Variants in PCDHGA11 observed in about 807,000 individuals in gnomAD.
PCDHGA11 encodes protocadherin gamma subfamily A, 11.
PCDHGA11 carries 39 observed loss-of-function variants against 60.4 expected under a neutral mutation model. The observed-to-expected ratio is 0.65, with a 90% CI of 0.50 to 0.84. PCDHGA11 has a LOEUF of 0.84. Among genes scored for constraint, PCDHGA11 ranks in the 40% least tolerant of loss-of-function variants. The probability of loss-of-function intolerance (pLI) is 0.00; values close to 1 mark genes in which losing one functional copy is unlikely to be tolerated. For synonymous variants in PCDHGA11, 533 were observed against 510.3 expected (o/e 1.04, Z -0.60); for missense variants, 1,165 against 1,197.7 (o/e 0.97, Z 0.40).
At chr5:141,502,035 G>C (rs1371892057) in intron 2 of PCDHGA11, among the ~76,000 whole-genome samples, 1 of 152,078 alleles carries the variant, frequency 6.6e-6, no homozygotes, top group Non-Finnish European at 1.5e-5. Context: ...CCCGCCGCTT[G>C]CCTGCTCTCC....
At chr5:141,459,218 C>T (rs2098963524) in intron 1 of PCDHGA11, among the ~76,000 whole-genome samples, 1 of 152,220 alleles carries the variant, frequency 6.6e-6, no homozygotes, top group South Asian at 2.1e-4. Context: ...TTCTCCAGCT[C>T]CAGGCAACAA....
chr5:141,481,179 T>C (rs115525079), intron 1 of PCDHGA11, among the ~76,000 whole-genome samples: 16 of 152,358 alleles, frequency 1.1e-4, no homozygotes, highest in African/African-American at 3.6e-4. Flanking sequence ...TCCAGCTTTA[T>C]TGGGCCAGGC....
Position 141,431,478 on chromosome 5 carries a change from C to T in PCDHGA11, c.2433+7818C>T, listed in dbSNP as rs1163422580. On this transcript the variant is annotated intron_variant, in intron 1 of 3. Coordinates refer to ENST00000398587, the MANE Select transcript of PCDHGA11 (RefSeq NM_018914.3). The surrounding 1 kb of genome is among the most constrained non-coding windows in gnomAD (Gnocchi z 4.8). ...GTTCTGGATGCGAACGACAACGCAC[C>T]AGCGTTTGCTCAGCCCGAGTACCGC... The T allele has an allele frequency of 6.2e-7, 1 of 1,613,748 alleles. No individual in the cohort carries two copies. The highest frequency in any genetic ancestry group is 8.5e-7 in the Non-Finnish European group (1 of 1,179,976).
At chr5:141,507,132 C>T (rs748716107) in intron 3 of PCDHGA11, 2 of 152,188 alleles carry the variant, frequency 1.3e-5, no homozygotes, top group African/African-American at 2.4e-5. Flanking sequence ...GATCCAGCCT[C>T]GGCTTCTCTA....
Position 141,432,149 on chromosome 5 carries a change from A to G in PCDHGA11, c.2433+8489A>G. The G allele has an allele frequency of 6.2e-7, 1 of 1,613,964 alleles. No individual in the cohort carries two copies. The highest frequency in any genetic ancestry group is 8.5e-7 in the Non-Finnish European group (1 of 1,179,986). On this transcript the variant is annotated intron_variant, in intron 1 of 3. Transcript: ENST00000398587. This position sits in a 1 kb window ranked among gnomAD's most constrained non-coding sequence, Gnocchi z 6.0. Reference sequence around the variant, plus strand: ...CTCCTATTCCGCTTATATCCCAGAGAACAATCCCAGAGGAGTTTCCCTCGT... The same window carrying G: ...CTCCTATTCCGCTTATATCCCAGAGGACAATCCCAGAGGAGTTTCCCTCGT...
At chr5:141,501,288 T>TATACAC (rs201660636) in intron 2 of PCDHGA11, among the ~76,000 whole-genome samples, 3,536 of 81,176 alleles carry the variant, frequency 0.044, 56 homozygotes, top group Admixed American at 0.065. Flanking sequence ...GATATTCCCT[T>TATACAC]ATACACACAC....
Position 141,491,456 on chromosome 5 carries a change from C to A in PCDHGA11, c.2434-3351C>A. ...TGCAGGCGCCAGGACTCACCCTCCC[C>A]GGACTTCTATAAGCAGTCCAGCCCC... On this transcript the variant is annotated intron_variant, in intron 1 of 3. Coordinates refer to ENST00000398587, the MANE Select transcript of PCDHGA11 (RefSeq NM_018914.3). The surrounding 1 kb of genome is among the most constrained non-coding windows in gnomAD (Gnocchi z 6.9). 1.2e-6 allele frequency: 2 copies of A among 1,614,104 alleles called. No homozygotes were observed.
At chr5:141,502,862 CTGTCT>C (rs2099816366) in intron 2 of PCDHGA11, among the ~76,000 whole-genome samples, 2 of 68,560 alleles carry the variant, frequency 2.9e-5, no homozygotes, top group Admixed American at 3.3e-4. Flanking sequence ...CCCTGACTCT[CTGTCT>C]TTTTTTTTTT....
At chr5:141,460,924 A>ATATG (rs1561985817) in intron 1 of PCDHGA11, among the ~76,000 whole-genome samples, 10 of 150,588 alleles carry the variant, frequency 6.6e-5, no homozygotes, top group East Asian at 3.9e-4. Flanking sequence ...ATATATATAT[A>ATATG]TGTGTGTGTG....
intron 1 of PCDHGA11, chr5:141,478,046 C>A (rs762982394): frequency 3.7e-6 from 6 of 1,614,172 alleles, no homozygotes; most frequent in Non-Finnish European, 5.1e-6. Flanking sequence ...CAGGCAGACT[C>A]TCACGGTCTT....
intron 1 of PCDHGA11, among the ~76,000 whole-genome samples, chr5:141,451,522 A>G (rs1387873094): frequency 6.6e-6 from 1 of 152,200 alleles, no homozygotes; most frequent in Non-Finnish European, 1.5e-5. Flanking sequence ...TAGAGCAAGT[A>G]AAGGAGAGTG....
At chr5:141,502,377 C>A (rs748121694) in intron 2 of PCDHGA11, among the ~76,000 whole-genome samples, 14 of 151,904 alleles carry the variant, frequency 9.2e-5, no homozygotes, top group Non-Finnish European at 1.3e-4. Flanking sequence ...AGAGTCCAGG[C>A]CAGTTGTACT....
chr5:141,449,484 A>G (rs1003440539), intron 1 of PCDHGA11, among the ~76,000 whole-genome samples: 2 of 150,848 alleles, frequency 1.3e-5, no homozygotes, highest in Non-Finnish European at 3.0e-5. Context: ...CCCCATGCCT[A>G]AGGGTGAGGC....
In PCDHGA11 at chr5:141,477,524, A is replaced by G. The variant is rs1302186932; in HGVS notation, c.2434-17283A>G. The stretch of plus-strand genomic sequence containing the variant: ...CTACGACGTTTACATTGAAGAAAAC[A>G]ACCTCCCCGGGGCTCCAATACTAAA... On this transcript the variant is annotated intron_variant, in intron 1 of 3. Coordinates refer to ENST00000398587, the MANE Select transcript of PCDHGA11 (RefSeq NM_018914.3). The surrounding 1 kb of genome is among the most constrained non-coding windows in gnomAD (Gnocchi z 4.9). The G allele has an allele frequency of 1.2e-6, 2 of 1,614,122 alleles. No individual in the cohort carries two copies. Among genetic ancestry groups the G allele is most frequent in the Non-Finnish European group, 1.7e-6 (2 of 1,180,022 alleles).
At chr5:141,427,880 C>G in intron 1 of PCDHGA11, 5 of 1,563,170 alleles carry the variant, frequency 3.2e-6, no homozygotes, top group Non-Finnish European at 3.5e-6. Context: ...CGATGCAGGC[C>G]CACGACCAGG....
Position 141,491,188 on chromosome 5 carries a change from G to A in PCDHGA11, c.2434-3619G>A. On this transcript the variant is annotated intron_variant, in intron 1 of 3. Transcript: ENST00000398587. This position sits in a 1 kb window ranked among gnomAD's most constrained non-coding sequence, Gnocchi z 6.9. Reference sequence around the variant, plus strand: ...CCAGCAGGTGGTGGTCCTGGTGAGGGACAATGGTGACCCTTCACTCTCCTC... The same window carrying A: ...CCAGCAGGTGGTGGTCCTGGTGAGGAACAATGGTGACCCTTCACTCTCCTC... The A allele has an allele frequency of 6.2e-7, 1 of 1,614,198 alleles. No individual in the cohort carries two copies. The highest frequency in any genetic ancestry group is 1.1e-5 in the South Asian group (1 of 91,086).
intron 2 of PCDHGA11, among the ~76,000 whole-genome samples, chr5:141,503,998 A>G (rs746158378): frequency 4.6e-5 from 7 of 152,104 alleles, no homozygotes; most frequent in Admixed American, 1.3e-4. Context: ...CCTTACAGTC[A>G]CTTAACTGTC....
rs1312195504 is a variant in PCDHGA11 at position 141,429,392 on chromosome 5, A to ATTTTT, written c.2433+5732_2433+5733insTTTTT. On this transcript the variant is annotated intron_variant, in intron 1 of 3. Transcript: ENST00000398587. Reference sequence around the variant, plus strand: ...GAGAAAATGTGTTTTTTTTTTAAAAAAAATTGAGATTAAGGTCTCATTATG... The same window carrying ATTTTT: ...GAGAAAATGTGTTTTTTTTTTAAAAATTTTTAAATTGAGATTAAGGTCTCATTATG... Among the ~76,000 whole-genome samples, 131 of 152,104 alleles carry ATTTTT rather than the reference A, an allele frequency of 8.6e-4. 1 individual carries two copies. Among genetic ancestry groups the ATTTTT allele is most frequent in the Non-Finnish European group, 1.5e-3 (100 of 67,974 alleles).
intron 1 of PCDHGA11, among the ~76,000 whole-genome samples, chr5:141,468,281 C>T (rs568875291): frequency 6.8e-6 from 1 of 147,354 alleles, no homozygotes; most frequent in African/African-American, 2.5e-5. Flanking sequence ...GCCGAGACCA[C>T]GCCATTGCAC....
Sources: allele counts gnomAD v4.1 joint callset (sites outside exome capture counted in the v4.1 genomes callset), GRCh38; gene constraint gnomAD v4.1.1; non-coding constraint Gnocchi (gnomAD v3.1); transcripts MANE v1.5; gene names NCBI Gene and HGNC (gene_info 2026-07-23, HGNC 2026-07-21).